Variants in ANKMY2 observed in about 807,000 individuals in gnomAD.
ANKMY2 encodes ankyrin repeat and MYND domain-containing protein 2.
Under a neutral mutation model 50.4 loss-of-function variants are expected in ANKMY2, and 36 were observed. The observed-to-expected ratio is 0.71, with a 90% CI of 0.55 to 0.94. The LOEUF is 0.94. Among genes scored for constraint, ANKMY2 ranks in the 40% least tolerant of loss-of-function variants. The probability of loss-of-function intolerance (pLI) is 0.00; values close to 1 mark genes in which losing one functional copy is unlikely to be tolerated. For synonymous variants in ANKMY2, 187 were observed against 178.8 expected, an observed-to-expected ratio of 1.05 and a Z score of -0.36; for missense variants, 565 against 524.0, an observed-to-expected ratio of 1.08 and a Z score of -0.76.
chr7:16,625,952 T>A (rs1781500276), intron 3 of ANKMY2, among the ~76,000 whole-genome samples: 1 of 151,912 alleles, frequency 6.6e-6, no homozygotes, highest in African/African-American at 2.4e-5. Context: ...GTAGTATTTT[T>A]CTTTTTATAC....
chr7:16,615,611 G>T, intron 5 of ANKMY2, 133 bp downstream of exon 5: 1 of 1,085,132 alleles, frequency 9.2e-7, no homozygotes, highest in Non-Finnish European at 1.3e-6. Context: ...AAATTAACAG[G>T]CCAAAAGAGC....
At chr7:16,628,231 G>T (rs1781532956) in intron 2 of ANKMY2, among the ~76,000 whole-genome samples, 1 of 152,170 alleles carries the variant, frequency 6.6e-6, no homozygotes, top group South Asian at 2.1e-4. Context: ...CGTTACCTTA[G>T]TGAAGCTTAG....
intron 7 of ANKMY2, among the ~76,000 whole-genome samples, chr7:16,609,345 A>G (rs963554439): frequency 2.0e-5 from 3 of 152,190 alleles, no homozygotes; most frequent in African/African-American, 7.2e-5. Flanking sequence ...CCTATATTAC[A>G]TAGTGGATGT....
At chr7:16,622,107 AAGG>A (rs143046806) in intron 4 of ANKMY2, among the ~76,000 whole-genome samples, 11,584 of 151,744 alleles carry the variant, frequency 0.076, 872 homozygotes, top group African/African-American at 0.19. Context: ...GAAGAAGAAG[AAGG>A]AGGAGGAGGA....
intron 1 of ANKMY2, among the ~76,000 whole-genome samples, chr7:16,638,015 C>T (rs1781691452): frequency 6.6e-6 from 1 of 152,188 alleles, no homozygotes; most frequent in Non-Finnish European, 1.5e-5. Flanking sequence ...TTAACATATT[C>T]TGTAAGGGAA....
chr7:16,638,746 C>G (rs113725738), intron 1 of ANKMY2, among the ~76,000 whole-genome samples: 48 of 152,078 alleles, frequency 3.2e-4, no homozygotes, highest in African/African-American at 1.1e-3. Context: ...ATCCAACAGT[C>G]GCCTCATTAG....
Position 16,609,712 on chromosome 7 carries a change from A to G in ANKMY2, c.800T>C (p.Ile267Thr). 2 of 1,612,434 alleles carry G rather than the reference A, an allele frequency of 1.2e-6. No homozygotes were observed. The highest frequency in any genetic ancestry group is 1.7e-6 in the Non-Finnish European group (2 of 1,179,542). Residue 267 changes from isoleucine (I) to threonine (T), a missense_variant, in exon 7 of 10, where the codon ATT (isoleucine) becomes ACT (threonine). Transcript: ENST00000306999. The part of the protein sequence containing the change: ...DGFPVYQEKI[I>T]RESIRKFPYC... ...AGGAAATTTTCTGATACTTTCTCTA[A>G]TGATCTTTTCTTGATACACTGGAAA...
At position 16,600,965 on chromosome 7, in the gene ANKMY2, G is replaced by A. The variant is rs376628126; in HGVS notation, c.1142-20C>T. On this transcript the variant is annotated intron_variant, in intron 9 of 9. Transcript: ENST00000306999. The stretch of plus-strand genomic sequence containing the variant: ...TGCCGTCTGATTAAAAAAAGAAGAA[G>A]TTATTTTGTTCCTACCATGTGTCAG... The A allele has an allele frequency of 6.8e-4, 1,057 of 1,558,508 alleles. 15 individuals carry two copies. In the Middle Eastern group the frequency reaches 8.7e-3, roughly 13 times the overall value.
At chr7:16,602,807 C>G (rs1329688713) in intron 8 of ANKMY2, among the ~76,000 whole-genome samples, 1 of 152,092 alleles carries the variant, frequency 6.6e-6, no homozygotes, top group Non-Finnish European at 1.5e-5. Context: ...TGAGTTCTTA[C>G]AAGATCTGGT....
chr7:16,624,398 C>T (rs541643765), intron 4 of ANKMY2, among the ~76,000 whole-genome samples: 21 of 152,130 alleles, frequency 1.4e-4, no homozygotes, highest in Non-Finnish European at 2.4e-4. Context: ...ATTGGGCACA[C>T]AAAATAAACG....
intron 1 of ANKMY2, among the ~76,000 whole-genome samples, chr7:16,640,606 T>C (rs1225384246): frequency 6.6e-6 from 1 of 152,106 alleles, no homozygotes; most frequent in African/African-American, 2.4e-5. Flanking sequence ...ACTGCAGCCT[T>C]GAATTCCTGG....
At chr7:16,610,433 C>T (rs1382346762) in intron 6 of ANKMY2, 116 bp downstream of exon 6, 9 of 770,198 alleles carry the variant, frequency 1.2e-5, no homozygotes, top group Non-Finnish European at 1.9e-5. Flanking sequence ...AATGTGAGTC[C>T]AACAACAGCA....
intron 1 of ANKMY2, 98 bp downstream of exon 1, chr7:16,645,409 C>A (rs1781821332): frequency 8.2e-7 from 1 of 1,226,028 alleles, no homozygotes; most frequent in East Asian, 2.7e-5. Flanking sequence ...CCTTGCAGAA[C>A]CGCAGCCAAA....
At chr7:16,616,178 T>C (rs1240849862) in intron 4 of ANKMY2, among the ~76,000 whole-genome samples, 3 of 152,206 alleles carry the variant, frequency 2.0e-5, no homozygotes, top group Admixed American at 6.5e-5. Context: ...ACTGCTCAAC[T>C]TGTAAGAGAC....
intron 4 of ANKMY2, among the ~76,000 whole-genome samples, chr7:16,618,726 GAGAGAAAAATGAC>G (rs1264096194): frequency 1.3e-5 from 2 of 152,180 alleles, no homozygotes; most frequent in African/African-American, 4.8e-5. Context: ...GAATCTTCAA[GAGAGAAAAATGAC>G]ATTCAACCAA....
At chr7:16,617,431 G>A (rs1003108237) in intron 4 of ANKMY2, among the ~76,000 whole-genome samples, 5 of 152,180 alleles carry the variant, frequency 3.3e-5, no homozygotes, top group African/African-American at 1.2e-4. Context: ...TACGTATGGG[G>A]ATCCAGCAAT....
intron 1 of ANKMY2, among the ~76,000 whole-genome samples, chr7:16,638,885 G>T (rs910866979): frequency 3.3e-5 from 5 of 152,124 alleles, no homozygotes; most frequent in African/African-American, 1.2e-4. Flanking sequence ...AGATTATAAG[G>T]GTTTTAGGAG....
rs529408783 is a variant in ANKMY2, at chr7:16,634,008, T to C, written c.132+2383A>G. On this transcript the variant is annotated intron_variant, in intron 2 of 9. Transcript: ENST00000306999. ...TATAATTATTTTTTGCTTTAAACTT[T>C]ATTTTGTCTGATATTAATTTTGCTA... Among the ~76,000 whole-genome samples, 4 of 152,312 alleles carry C rather than the reference T, an allele frequency of 2.6e-5. No individual in the cohort carries two copies. In the South Asian group the frequency reaches 8.3e-4, roughly 32 times the overall value.
Position 16,609,766 on chromosome 7 carries a change from C to A in ANKMY2, c.747-1G>T, listed in dbSNP as rs1315288206. On this transcript the variant is annotated splice_acceptor_variant, in intron 6 of 9. Transcript: ENST00000306999. LOFTEE classifies it high-confidence loss of function. ...ATCAGAAGCTCGGCCTTTTAACAAG[C>A]TGAAAGATATTTTTTAAAGCGTAAT... 1 of 1,607,286 alleles carries A rather than the reference C, an allele frequency of 6.2e-7. No homozygotes were observed. The highest frequency in any genetic ancestry group is 1.7e-5 in the Admixed American group (1 of 58,454).
Sources: allele counts gnomAD v4.1 joint callset (sites outside exome capture counted in the v4.1 genomes callset), GRCh38; gene constraint gnomAD v4.1.1; transcripts MANE v1.5; gene names NCBI Gene and HGNC (gene_info 2026-07-23, HGNC 2026-07-21).